The following MTHFD1L variants were observed in gnomAD, a reference collection of about 807,000 sequenced individuals.
MTHFD1L encodes the protein methylenetetrahydrofolate dehydrogenase (NADP+ dependent) 1 like.
A neutral mutation model predicts 119.5 loss-of-function variants in MTHFD1L; 81 were observed. The observed-to-expected ratio is 0.68, with a 90% confidence interval of 0.57 to 0.82. MTHFD1L has a LOEUF of 0.82. Ranked by LOEUF, MTHFD1L falls within the 40% of genes least tolerant of loss-of-function variation. The pLI is 0.00. For missense variants in MTHFD1L, 1,125 were observed against 1,253.4 expected (o/e 0.90, Z 1.55); for synonymous variants, 430 against 475.2 (o/e 0.90, Z 1.24).
chr6:150,904,934 A>G (rs1785638453), intron 7 of MTHFD1L, among the ~76,000 whole-genome samples: 1 of 151,772 alleles, frequency 6.6e-6, no homozygotes, highest in Non-Finnish European at 1.5e-5. Flanking sequence ...TTTCATGGGT[A>G]TAGTAACAGT....
intron 1 of MTHFD1L, among the ~76,000 whole-genome samples, chr6:150,871,356 T>G (rs914140672): frequency 2.0e-5 from 3 of 150,192 alleles, no homozygotes; most frequent in Non-Finnish European, 4.4e-5. Context: ...CTTCCTTTCC[T>G]GGAAGATTTC....
At chr6:150,958,023 G>C (rs1795895610) in intron 17 of MTHFD1L, among the ~76,000 whole-genome samples, 1 of 152,106 alleles carries the variant, frequency 6.6e-6, no homozygotes, top group Admixed American at 6.5e-5. Flanking sequence ...TGCCTACTCT[G>C]TGCATTGTAT....
chr6:151,057,938 C>G (rs1330178743), intron 26 of MTHFD1L, among the ~76,000 whole-genome samples: 1 of 152,122 alleles, frequency 6.6e-6, no homozygotes. Context: ...GCCACCATGC[C>G]CAGCTAATTT....
In MTHFD1L at chr6:150,949,081, G is replaced by A. The variant is rs1193279885; in HGVS notation, c.1674G>A (p.Val558=). Residue 558 remains valine (V), a synonymous_variant, in exon 16 of 28, where the codon GTG becomes GTA. Transcript: ENST00000367321. ...TDPSTLTEEE[V]SKFARLDIDP... ...CGAGCACACTGACAGAAGAGGAAGT[G>A]AGTAAATTTGCCCGTCTCGACATCG... 12 of 1,613,970 alleles carry A rather than the reference G, an allele frequency of 7.4e-6. No individual in the cohort carries two copies. In the Admixed American group the frequency reaches 1.8e-4, roughly 25 times the overall value.
intron 8 of MTHFD1L, among the ~76,000 whole-genome samples, chr6:150,908,850 A>G (rs911801200): frequency 3.9e-5 from 6 of 152,016 alleles, no homozygotes; most frequent in Non-Finnish European, 7.4e-5. Context: ...TCTTTTTTTC[A>G]TAATCCCACT....
Position 151,087,250 on chromosome 6 carries a change from A to AAAATAAATAAAT in MTHFD1L, c.2848-5182_2848-5171dup, listed in dbSNP as rs10684000. ...GGCGACAGAGCCAGAGGCCATCTCA[A>AAAATAAATAAAT]AAATAAATAAATAAATAAATAAATA... On this transcript the variant is annotated intron_variant, in intron 26 of 27. Coordinates refer to ENST00000367321, the MANE Select transcript of MTHFD1L (RefSeq NM_015440.5). 4.8e-4 allele frequency among the ~76,000 whole-genome samples: 70 copies of AAAATAAATAAAT among 145,466 alleles called. 1 individual carries two copies. The highest frequency in any genetic ancestry group is 2.0e-3 in the South Asian group (9 of 4,512).
intron 11 of MTHFD1L, among the ~76,000 whole-genome samples, chr6:150,928,690 C>T (rs1248999418): frequency 6.6e-6 from 1 of 151,676 alleles, no homozygotes. Context: ...TCCAGGCATG[C>T]ACCCCCACGC....
At chr6:151,078,884 C>A (rs962014257) in intron 26 of MTHFD1L, among the ~76,000 whole-genome samples, 5 of 152,038 alleles carry the variant, frequency 3.3e-5, no homozygotes, top group Admixed American at 3.3e-4. Context: ...ATGGAAACTA[C>A]CACACTGCAG....
intron 13 of MTHFD1L, among the ~76,000 whole-genome samples, chr6:150,943,389 GC>G (rs2128955023): frequency 6.6e-6 from 1 of 152,266 alleles, no homozygotes; most frequent in South Asian, 2.1e-4. Context: ...CTAGCACTTT[GC>G]GGGGCTGAAG....
intron 19 of MTHFD1L, among the ~76,000 whole-genome samples, chr6:150,970,544 A>G (rs1451372115): frequency 6.6e-6 from 1 of 152,236 alleles, no homozygotes; most frequent in African/African-American, 2.4e-5. Context: ...TTAAGTGCTT[A>G]GAACTCTGGT....
At chr6:150,990,076 C>T (rs1049979353) in intron 20 of MTHFD1L, among the ~76,000 whole-genome samples, 32 of 152,032 alleles carry the variant, frequency 2.1e-4, no homozygotes, top group Admixed American at 1.0e-3. Context: ...GTCAGGAGTT[C>T]GAGACCAGCT....
chr6:150,955,907 A>G lies in MTHFD1L; in HGVS notation c.1727-88A>G. The G allele has an allele frequency of 1.6e-5, 18 of 1,153,658 alleles. No individual in the cohort carries two copies. In the South Asian group the frequency reaches 2.3e-4, roughly 15 times the overall value. The allele number at this position is 1,153,658 out of a possible 1,614,324, so 71.5% of individuals were successfully genotyped here. Reference sequence around the variant, plus strand: ...TGACCTTTTCTCTTTCACCCTCTGCAACTTCCTGAGCATCAGAACAATGCC... The same window carrying G: ...TGACCTTTTCTCTTTCACCCTCTGCGACTTCCTGAGCATCAGAACAATGCC... On this transcript the variant is annotated intron_variant, in intron 16 of 27. Coordinates refer to ENST00000367321, the MANE Select transcript of MTHFD1L (RefSeq NM_015440.5).
At chr6:150,988,663 A>G (rs1778645823) in intron 20 of MTHFD1L, among the ~76,000 whole-genome samples, 1 of 152,064 alleles carries the variant, frequency 6.6e-6, no homozygotes, top group Admixed American at 6.5e-5. Context: ...CTGGAGTGCA[A>G]TGATGTAATC....
intron 20 of MTHFD1L, among the ~76,000 whole-genome samples, chr6:150,978,543 C>G (rs930645963): frequency 1.3e-5 from 2 of 152,120 alleles, no homozygotes; most frequent in African/African-American, 4.8e-5. Flanking sequence ...TGATCTTTGC[C>G]TCAGACATTT....
intron 26 of MTHFD1L, among the ~76,000 whole-genome samples, chr6:151,055,304 C>T (rs894963377): frequency 2.0e-5 from 3 of 152,034 alleles, no homozygotes; most frequent in Admixed American, 1.3e-4. Context: ...TTATTGAGCA[C>T]TTACTAGGTG....
chr6:150,994,432 T>C (rs1271800620), intron 20 of MTHFD1L, among the ~76,000 whole-genome samples: 1 of 152,086 alleles, frequency 6.6e-6, no homozygotes, highest in Non-Finnish European at 1.5e-5. Context: ...GAAAGGTGAG[T>C]TGCCAATCCA....
chr6:151,009,785 G>T (rs753783472), intron 20 of MTHFD1L, 34 bp from the exon 21 acceptor site: 1 of 1,610,300 alleles, frequency 6.2e-7, no homozygotes, highest in Non-Finnish European at 8.5e-7. Context: ...GTTTTTAGAA[G>T]ATAATAGCAC....
At chr6:151,064,891 C>T (rs1791066454) in intron 26 of MTHFD1L, among the ~76,000 whole-genome samples, 1 of 151,988 alleles carries the variant, frequency 6.6e-6, no homozygotes, top group Non-Finnish European at 1.5e-5. Flanking sequence ...CAACCTCCAC[C>T]TCCTGGGTTC....
chr6:150,988,501 A>C (rs1159683332), intron 20 of MTHFD1L, among the ~76,000 whole-genome samples: 4 of 152,226 alleles, frequency 2.6e-5, no homozygotes, highest in Non-Finnish European at 5.9e-5. Context: ...AATATTGGGA[A>C]ACCAGCCATT....
Sources: allele counts gnomAD v4.1 joint callset (sites outside exome capture counted in the v4.1 genomes callset), GRCh38; gene constraint gnomAD v4.1.1; transcripts MANE v1.5; gene names NCBI Gene and HGNC (gene_info 2026-07-23, HGNC 2026-07-21).